Variants in ACADSB observed in about 807,000 individuals in gnomAD.
The protein encoded by ACADSB is acyl-CoA dehydrogenase short/branched chain.
A neutral mutation model predicts 54.1 loss-of-function variants in ACADSB; 40 were observed. The observed-to-expected ratio is 0.74, with a 90% CI of 0.57 to 0.96. The LOEUF (loss-of-function observed/expected upper bound fraction) is 0.96, where lower values mean the gene tolerates loss of function less well. Ranked by LOEUF, ACADSB falls within the 40% of genes least tolerant of loss-of-function variation. The probability of loss-of-function intolerance (pLI) is 0.00; values close to 1 mark genes in which losing one functional copy is unlikely to be tolerated. For missense variants in ACADSB, 530 were observed against 510.4 expected, an observed-to-expected ratio of 1.04 and a Z score of -0.37; for synonymous variants, 182 against 182.8, an observed-to-expected ratio of 1.00 and a Z score of 0.03.
At chr10:123,049,925 T>C (rs1850606551) in intron 8 of ACADSB, among the ~76,000 whole-genome samples, 1 of 152,240 alleles carries the variant, frequency 6.6e-6, no homozygotes, top group African/African-American at 2.4e-5. Context: ...TAAGTTTTTT[T>C]CCTTGAAATA....
At chr10:123,013,340 T>G (rs1447119401) in intron 1 of ACADSB, among the ~76,000 whole-genome samples, 1 of 152,226 alleles carries the variant, frequency 6.6e-6, no homozygotes, top group African/African-American at 2.4e-5. Flanking sequence ...TCACAAACCT[T>G]GAGCTAGACA....
At chr10:123,019,411 A>C (rs1210276466) in intron 1 of ACADSB, among the ~76,000 whole-genome samples, 1 of 152,232 alleles carries the variant, frequency 6.6e-6, no homozygotes, top group Non-Finnish European at 1.5e-5. Context: ...AAATAATTAT[A>C]GTTGGCTACA....
rs1850646843 is a variant in ACADSB at position 123,052,555 on chromosome 10, G to A, written c.1129-506G>A. ...TACCCACATCTGCAGAGTCCCTATT[G>A]CCATGGAAGGCAGCATATTCACAGC... is the stretch of plus-strand genomic sequence containing the variant. On this transcript the variant is annotated intron_variant, in intron 9 of 10. Coordinates refer to ENST00000358776, the MANE Select transcript of ACADSB (RefSeq NM_001609.4). The surrounding 1 kb of genome is among the most constrained non-coding windows in gnomAD (Gnocchi z 4.2). Among the ~76,000 whole-genome samples the A allele has an allele frequency of 6.6e-6, 1 of 152,134 alleles. No homozygotes were observed. Among genetic ancestry groups the A allele is most frequent in the Admixed American group, 6.5e-5 (1 of 15,280 alleles).
chr10:123,027,686 C>T, intron 1 of ACADSB: 1 of 346,462 alleles, frequency 2.9e-6, no homozygotes, highest in Admixed American at 3.3e-5. Flanking sequence ...ACATGGTAAC[C>T]CCTTGTTCCC....
Position 123,044,498 on chromosome 10 carries a change from TAA to T in ACADSB, c.900+15_900+16del. 1 of 1,589,462 alleles carries T rather than the reference TAA, an allele frequency of 6.3e-7. No homozygotes were observed. The highest frequency in any genetic ancestry group is 1.3e-5 in the African/African-American group (1 of 74,492). ...AATTGCTGCACAGGTAAGTCAGATT[TAA>T]ACTCTTCCATGATGTGAGTCAATTA... is the stretch of plus-strand genomic sequence containing the variant. On this transcript the variant is annotated intron_variant, in intron 7 of 10. Transcript: ENST00000358776.
rs1441502663 is a variant in ACADSB at position 123,044,286 on chromosome 10, G to A, written c.808-107G>A. The A allele has an allele frequency of 5.1e-6, 5 of 980,036 alleles. No homozygotes were observed. In the African/African-American group the frequency reaches 8.0e-5, roughly 16 times the overall value. 60.7% of individuals were successfully genotyped at this position (980,036 alleles called of 1,614,324 possible). ...AGACACAGATGCCGGCAAGTTCTGT[G>A]AGAGGGCTAGCACACGAATTGAGAG... On this transcript the variant is annotated intron_variant, in intron 6 of 10. Coordinates refer to ENST00000358776, the MANE Select transcript of ACADSB (RefSeq NM_001609.4).
At chr10:123,041,762 A>C (rs1332120067) in intron 5 of ACADSB, among the ~76,000 whole-genome samples, 1 of 152,162 alleles carries the variant, frequency 6.6e-6, no homozygotes, top group Non-Finnish European at 1.5e-5. Flanking sequence ...TCTAGAGATG[A>C]TTTAGAGTCT....
intron 1 of ACADSB, among the ~76,000 whole-genome samples, chr10:123,023,383 G>A (rs1850208451): frequency 6.6e-6 from 1 of 152,186 alleles, no homozygotes; most frequent in African/African-American, 2.4e-5. Flanking sequence ...TTAGACTTAT[G>A]TACTTAATTT....
chr10:123,013,842 C>T (rs965144549), intron 1 of ACADSB, among the ~76,000 whole-genome samples: 2 of 152,214 alleles, frequency 1.3e-5, no homozygotes, highest in South Asian at 2.1e-4. Context: ...CTCTAGCTGG[C>T]CCACAAGCGC....
chr10:123,038,134 T>C (rs1033652632), intron 3 of ACADSB, among the ~76,000 whole-genome samples: 2 of 152,216 alleles, frequency 1.3e-5, no homozygotes, highest in African/African-American at 2.4e-5. Context: ...CCAGGGGACA[T>C]TGGGCAACGT....
Position 123,043,121 on chromosome 10 carries a change from T to C in ACADSB, c.757T>C (p.Leu253=), listed in dbSNP as rs776888756. ...GLHIGKPENK[L]GLRASSTCPL... is the part of the protein sequence containing the mutation. ...TCATATAGGGAAACCTGAAAACAAA[T>C]TGGGGCTCAGAGCTTCTTCCACCTG... Residue 253 remains leucine (L), a synonymous_variant, in exon 6 of 11, where the codon TTG becomes CTG. Transcript: ENST00000358776. 4.8e-5 allele frequency: 78 copies of C among 1,613,852 alleles called. No individual in the cohort carries two copies. Among genetic ancestry groups the C allele is most frequent in the Admixed American group, 8.3e-5 (5 of 59,992 alleles).
intron 1 of ACADSB, among the ~76,000 whole-genome samples, chr10:123,031,317 C>T (rs1032572503): frequency 3.3e-5 from 5 of 152,218 alleles, no homozygotes; most frequent in Non-Finnish European, 5.9e-5. Context: ...TGATCATCAA[C>T]ACTTCTAAGT....
chr10:123,053,072 A>G lies in ACADSB; in HGVS notation c.1140A>G (p.Gln380=). The G allele has an allele frequency of 3.1e-6, 5 of 1,614,048 alleles. No homozygotes were observed. The highest frequency in any genetic ancestry group is 4.2e-6 in the Non-Finnish European group (5 of 1,179,908). ...CTTGCTTTTGGTAGATTGCAGGACA[A>G]ACAACGAGTAAATGTATCGAGTGGA... The part of the protein sequence containing the change: ...AKYYASEIAG[Q]TTSKCIEWMG... The change falls in exon 10 of 11, where the codon CAA becomes CAG. Residue 380 remains glutamine, a synonymous_variant. Transcript: ENST00000358776.
intron 2 of ACADSB, among the ~76,000 whole-genome samples, chr10:123,036,287 A>G (rs1039352666): frequency 6.6e-6 from 1 of 152,188 alleles, no homozygotes; most frequent in African/African-American, 2.4e-5. Context: ...GGGTTTCACC[A>G]TGTTAGCCAG....
chr10:123,048,671 A>G (rs1311529215), intron 8 of ACADSB, among the ~76,000 whole-genome samples: 1 of 152,080 alleles, frequency 6.6e-6, no homozygotes. Context: ...GATGCCTAGT[A>G]TGGATAGTTA....
chr10:123,029,735 A>G (rs1268080652), intron 1 of ACADSB, among the ~76,000 whole-genome samples: 2 of 152,228 alleles, frequency 1.3e-5, no homozygotes, highest in Admixed American at 1.3e-4. Flanking sequence ...TTTTGCCTTT[A>G]CAAAAATCAC....
At chr10:123,047,366 T>C (rs757702484) in intron 8 of ACADSB, 68 bp downstream of exon 8, 2 of 1,123,786 alleles carry the variant, frequency 1.8e-6, no homozygotes, top group African/African-American at 1.5e-5. Context: ...AAGGGCTGTG[T>C]TGAAATCCAT....
chr10:123,021,807 G>A (rs1159152277), intron 1 of ACADSB, among the ~76,000 whole-genome samples: 3 of 152,162 alleles, frequency 2.0e-5, no homozygotes, highest in South Asian at 2.1e-4. Context: ...TTTTGAGAGG[G>A]ATCTATCATA....
chr10:123,015,251 C>CT (rs1285660543), intron 1 of ACADSB, among the ~76,000 whole-genome samples: 5 of 152,226 alleles, frequency 3.3e-5, no homozygotes, highest in Admixed American at 3.3e-4. Flanking sequence ...GCTAGGAAGA[C>CT]TAAGTAACCA....
Sources: gnomAD v4.1 joint callset for allele counts (sites outside exome capture counted in the v4.1 genomes callset) on GRCh38, gnomAD v4.1.1 for gene constraint, Gnocchi (gnomAD v3.1) non-coding constraint, MANE v1.5 for transcripts, NCBI Gene and HGNC (gene_info 2026-07-23, HGNC 2026-07-21) for gene names.